C10orf90: variants seen among roughly 807,000 people sequenced by gnomAD.
C10orf90 encodes the protein (E2-independent) E3 ubiquitin-conjugating enzyme FATS.
A neutral mutation model predicts 62.5 loss-of-function variants in C10orf90; 56 were observed. That is an observed-to-expected ratio of 0.90 (90% CI 0.72 to 1.12). The LOEUF (loss-of-function observed/expected upper bound fraction) is 1.12. Ranked by LOEUF, C10orf90 falls within the 50% of genes most tolerant of loss-of-function variation. C10orf90 has a pLI of 0.00. For synonymous variants in C10orf90, 386 were observed against 340.4 expected, an observed-to-expected ratio of 1.13 and a Z score of -1.47; for missense variants, 970 against 880.4, an observed-to-expected ratio of 1.10 and a Z score of -1.29.
At chr10:126,469,328 T>A (rs1356020946) in intron 4 of C10orf90, among the ~76,000 whole-genome samples, 1 of 152,186 alleles carries the variant, frequency 6.6e-6, no homozygotes, top group African/African-American at 2.4e-5. Flanking sequence ...AAGGGAAAGA[T>A]TGTCTCTGAG....
intron 4 of C10orf90, among the ~76,000 whole-genome samples, chr10:126,476,390 C>A (rs1184898881): frequency 6.6e-6 from 1 of 152,192 alleles, no homozygotes; most frequent in Non-Finnish European, 1.5e-5. Flanking sequence ...GAATTGGAGA[C>A]AGTCCCTAGG....
intron 2 of C10orf90, among the ~76,000 whole-genome samples, chr10:126,643,853 A>T (rs1846112864): frequency 6.6e-6 from 1 of 152,216 alleles, no homozygotes; most frequent in African/African-American, 2.4e-5. Context: ...GCATGGAAAC[A>T]CGGGCTCTAG....
chr10:126,560,649 C>T (rs1002006348), intron 2 of C10orf90, among the ~76,000 whole-genome samples: 3 of 152,100 alleles, frequency 2.0e-5, no homozygotes, highest in Admixed American at 6.6e-5. Context: ...CCCATGGAGA[C>T]GCCTGCTCTT....
At chr10:126,594,533 G>A (rs569704333) in intron 2 of C10orf90, among the ~76,000 whole-genome samples, 13 of 152,282 alleles carry the variant, frequency 8.5e-5, no homozygotes, top group South Asian at 4.2e-4. Flanking sequence ...GAACCAGCCC[G>A]TGAGGCAGCA....
chr10:126,555,835 C>T (rs1246581038), intron 2 of C10orf90, among the ~76,000 whole-genome samples: 1 of 152,142 alleles, frequency 6.6e-6, no homozygotes. Flanking sequence ...AAGTCCCTCT[C>T]TCCACATGAA....
intron 2 of C10orf90, chr10:126,524,791 C>G (rs1364938211): frequency 4.1e-6 from 4 of 985,508 alleles, no homozygotes; most frequent in East Asian, 2.3e-4. Flanking sequence ...CCTACAAGAG[C>G]TGGGGGCCAT....
At chr10:126,602,012 T>C (rs1279174326) in intron 2 of C10orf90, among the ~76,000 whole-genome samples, 1 of 152,250 alleles carries the variant, frequency 6.6e-6, no homozygotes, top group East Asian at 1.9e-4. Context: ...AAGCAGGGGA[T>C]GGTCCAACAG....
intron 4 of C10orf90, among the ~76,000 whole-genome samples, chr10:126,486,575 A>G (rs1248960437): frequency 6.6e-6 from 1 of 152,202 alleles, no homozygotes. Flanking sequence ...CTGGATATAA[A>G]CTAATATGTT....
At chr10:126,571,312 C>G (rs148702409) in intron 2 of C10orf90, among the ~76,000 whole-genome samples, 1 of 152,310 alleles carries the variant, frequency 6.6e-6, no homozygotes, top group East Asian at 1.9e-4. Context: ...GGCCAAAGGG[C>G]AGGTGAGACT....
chr10:126,442,969 T>C (rs983806955), intron 7 of C10orf90, among the ~76,000 whole-genome samples: 10 of 151,842 alleles, frequency 6.6e-5, no homozygotes, highest in Admixed American at 6.6e-4. Flanking sequence ...TAAATTACAA[T>C]AGTGACATAA....
At chr10:126,612,128 C>T (rs1403086531) in intron 2 of C10orf90, among the ~76,000 whole-genome samples, 1 of 152,168 alleles carries the variant, frequency 6.6e-6, no homozygotes, top group Non-Finnish European at 1.5e-5. Context: ...TAAGACCAGC[C>T]TGACCAACAT....
chr10:126,440,237 T>C (rs1479973056), intron 7 of C10orf90, among the ~76,000 whole-genome samples: 2 of 152,158 alleles, frequency 1.3e-5, no homozygotes. Flanking sequence ...TTGGATTGCG[T>C]GGGAGCTGGG....
chr10:126,670,612 C>T lies in C10orf90; in HGVS notation c.-132G>A, dbSNP rs1308272581. 2 of 359,620 alleles carry T rather than the reference C, an allele frequency of 5.6e-6. No individual in the cohort carries two copies. Among genetic ancestry groups the T allele is most frequent in the Admixed American group, 3.6e-5 (1 of 27,938 alleles). The allele number at this position is 359,620 out of a possible 1,614,324, so 22.3% of individuals were successfully genotyped here. On this transcript the variant is annotated 5_prime_UTR_variant, in exon 1 of 10. Coordinates refer to ENST00000488181, the MANE Select transcript of C10orf90 (RefSeq NM_001350921.2). ...TCGGACCTGTCCCAGTGTTTTCCAA[C>T]TCCAGAGCTAGTTGTCTCAATATCC...
intron 2 of C10orf90, among the ~76,000 whole-genome samples, chr10:126,553,608 C>T (rs985363826): frequency 5.9e-5 from 9 of 152,240 alleles, no homozygotes; most frequent in African/African-American, 1.7e-4. Flanking sequence ...AATTCTTAGC[C>T]GGGTGTTACA....
At chr10:126,646,836 T>C (rs757023287) in intron 1 of C10orf90, among the ~76,000 whole-genome samples, 199 bp from the exon 2 acceptor site, 2 of 152,186 alleles carry the variant, frequency 1.3e-5, no homozygotes, top group Non-Finnish European at 2.9e-5. Flanking sequence ...AGGAAGGTTT[T>C]TGAGGATTTC....
chr10:126,529,421 G>C (rs1217277072), intron 2 of C10orf90, among the ~76,000 whole-genome samples: 1 of 152,076 alleles, frequency 6.6e-6, no homozygotes, highest in Non-Finnish European at 1.5e-5. Context: ...TCCATAAAGA[G>C]AGGAGGCAAG....
At chr10:126,505,789 C>T (rs7069962) in intron 3 of C10orf90, among the ~76,000 whole-genome samples, 43,994 of 151,818 alleles carry the variant, frequency 0.29, 7,719 homozygotes, top group African/African-American at 0.48. Flanking sequence ...ACCCCGTCTC[C>T]ACTAAAAATA....
chr10:126,506,505 C>A (rs1862741212), intron 3 of C10orf90, among the ~76,000 whole-genome samples: 1 of 152,222 alleles, frequency 6.6e-6, no homozygotes, highest in African/African-American at 2.4e-5. Flanking sequence ...TAACTGGATG[C>A]CCAACAATTG....
intron 3 of C10orf90, among the ~76,000 whole-genome samples, chr10:126,505,832 T>C (rs1862699965): frequency 6.6e-6 from 1 of 152,140 alleles, no homozygotes; most frequent in East Asian, 1.9e-4. Context: ...CACATGCCTG[T>C]AATCCCAGCT....
Sources: gnomAD v4.1 joint callset for allele counts (sites outside exome capture counted in the v4.1 genomes callset) on GRCh38, gnomAD v4.1.1 for gene constraint, MANE v1.5 for transcripts, NCBI Gene and HGNC (gene_info 2026-07-23, HGNC 2026-07-21) for gene names.